The following SYCP2L variants were observed in gnomAD, a reference collection of about 807,000 sequenced individuals.
SYCP2L encodes the protein synaptonemal complex protein 2 like.
In SYCP2L, 98 loss-of-function variants were observed where a neutral mutation model predicts 125.8. The ratio of observed to expected loss-of-function variants is 0.78; its 90% CI spans 0.66 to 0.92. SYCP2L has a LOEUF of 0.92. Among genes scored for constraint, SYCP2L ranks in the 40% least tolerant of loss-of-function variants. The probability of loss-of-function intolerance (pLI) is 0.00; values close to 1 mark genes in which losing one functional copy is unlikely to be tolerated. For missense variants in SYCP2L, 842 were observed against 936.4 expected, an observed-to-expected ratio of 0.90 and a Z score of 1.32; for synonymous variants, 317 against 325.4, an observed-to-expected ratio of 0.97 and a Z score of 0.28.
intron 23 of SYCP2L, among the ~76,000 whole-genome samples, chr6:10,950,541 G>A (rs79047532): frequency 0.024 from 3,629 of 152,150 alleles, 148 homozygotes; most frequent in East Asian, 0.2. Flanking sequence ...ATTTTCATTA[G>A]AGGATTTATG....
chr6:10,900,358 CTTT>C (rs1241224571), intron 6 of SYCP2L, among the ~76,000 whole-genome samples: 1 of 127,978 alleles, frequency 7.8e-6, no homozygotes. Flanking sequence ...CTTTTCTTTT[CTTT>C]TTTTTTTTTT....
intron 29 of SYCP2L, among the ~76,000 whole-genome samples, chr6:10,966,112 CAATA>C (rs910823580): frequency 2.6e-5 from 4 of 151,132 alleles, no homozygotes; most frequent in Non-Finnish European, 5.9e-5. Context: ...TACTCTGTCT[CAATA>C]ATAATAATAA....
chr6:10,947,732 C>A (rs567803745), intron 23 of SYCP2L, among the ~76,000 whole-genome samples: 2 of 152,030 alleles, frequency 1.3e-5, no homozygotes, highest in Non-Finnish European at 2.9e-5. Context: ...ATACTTACAT[C>A]TCTTATTTTT....
Position 10,907,586 on chromosome 6 carries a change from A to G in SYCP2L, c.721A>G (p.Thr241Ala), listed in dbSNP as rs767343595. 2.3e-5 allele frequency: 37 copies of G among 1,613,744 alleles called. No homozygotes were observed. The Middle Eastern group carries it at 8.2e-4, about 36-fold the overall frequency. Reference protein sequence around the residue: ...VAISEALCRLTIKKSRDELVH... With the variant: ...VAISEALCRLAIKKSRDELVH... ...TATTTCTGAAGCGCTGTGTAGACTG[A>G]CGATTAAAAAATCAAGGGATGAACT... The change falls in exon 10 of 30, where the codon ACG becomes GCG. Residue 241 changes from threonine to alanine, a missense_variant. By Grantham distance (58) the Thr-to-Ala change is moderately conservative (BLOSUM62 0). Coordinates refer to ENST00000283141, the MANE Select transcript of SYCP2L (RefSeq NM_001040274.3).
intron 4 of SYCP2L, among the ~76,000 whole-genome samples, chr6:10,896,120 T>G (rs1387008360): frequency 2.6e-5 from 4 of 152,212 alleles, no homozygotes; most frequent in Non-Finnish European, 4.4e-5. Context: ...CACTCCAGTC[T>G]GCGTGACAGA....
rs756820235 is a variant in SYCP2L, at chr6:10,928,411, G to A, written c.1449G>A (p.Pro483=). Reference sequence around the variant, plus strand: ...ACGTTCTTCTGCCATAGCTTCAGCCGGTCCCTCCGTTCGGGGTCCCTGACT... The same window carrying A: ...ACGTTCTTCTGCCATAGCTTCAGCCAGTCCCTCCGTTCGGGGTCCCTGACT... ...GEPASDSHLQ[P]VPPFGVPDFP... Residue 483 remains proline, a synonymous_variant, in exon 18 of 30, where the codon CCG becomes CCA. Coordinates refer to ENST00000283141, the MANE Select transcript of SYCP2L (RefSeq NM_001040274.3). 5.3e-5 allele frequency: 82 copies of A among 1,538,898 alleles called. 1 individual carries two copies. The highest frequency in any genetic ancestry group is 1.8e-4 in the Middle Eastern group (1 of 5,418).
intron 9 of SYCP2L, among the ~76,000 whole-genome samples, chr6:10,906,951 A>G (rs1441355070): frequency 6.6e-6 from 1 of 151,794 alleles, no homozygotes; most frequent in Non-Finnish European, 1.5e-5. Context: ...GAGTATTTTA[A>G]TATATTTAAA....
chr6:10,888,398 A>T (rs1184489008), intron 1 of SYCP2L, among the ~76,000 whole-genome samples: 2 of 151,896 alleles, frequency 1.3e-5, no homozygotes, highest in Non-Finnish European at 2.9e-5. Flanking sequence ...CCCGGCTATC[A>T]TCATGTTTTT....
rs1471020266 is a variant in SYCP2L at position 10,943,692 on chromosome 6, T to TTA, written c.1954+948_1954+949dup. 9.8e-5 allele frequency among the ~76,000 whole-genome samples: 15 copies of TTA among 152,340 alleles called. No homozygotes were observed. In the East Asian group the frequency reaches 2.9e-3, roughly 29 times the overall value. Reference sequence around the variant, plus strand: ...TTTCATCCCTCATAGAGGTAATGACTTATGACTTTTGTAAACATCCTTCAG... The same window carrying TTA: ...TTTCATCCCTCATAGAGGTAATGACTTATATGACTTTTGTAAACATCCTTCAG... On this transcript the variant is annotated intron_variant, in intron 23 of 29. Transcript: ENST00000283141.
intron 1 of SYCP2L, among the ~76,000 whole-genome samples, chr6:10,888,744 C>T (rs556154316): frequency 6.6e-6 from 1 of 152,258 alleles, no homozygotes. Context: ...TAAAGGCTCC[C>T]GGGAATATTT....
chr6:10,941,483 G>C (rs1473338747), intron 21 of SYCP2L, among the ~76,000 whole-genome samples: 1 of 152,174 alleles, frequency 6.6e-6, no homozygotes, highest in East Asian at 1.9e-4. Context: ...CCAAAAGTGG[G>C]CAAAGGATAT....
chr6:10,894,330 C>G (rs1780222803), intron 4 of SYCP2L, 126 bp downstream of exon 4: 1 of 1,213,408 alleles, frequency 8.2e-7, no homozygotes, highest in South Asian at 1.3e-5. Context: ...AATTGATATC[C>G]ATTCTTATTG....
At position 10,902,951 on chromosome 6, in the gene SYCP2L, T is replaced by A; in HGVS notation, c.629T>A (p.Met210Lys). The A allele has an allele frequency of 6.2e-7, 1 of 1,614,088 alleles. No individual in the cohort carries two copies. Among genetic ancestry groups the A allele is most frequent in the Non-Finnish European group, 8.5e-7 (1 of 1,179,908 alleles). The change falls in exon 8 of 30, where the codon ATG becomes AAG. Residue 210 changes from methionine to lysine, a missense_variant. Transcript: ENST00000283141. ...ERKKFPLSEG[M>K]CHLMKDLART... ...AAAAAATTCCCTTTGTCAGAAGGCATGTGTCATCTTATGTAAGTGACTTTG... is the reference window on the plus strand; with the variant it reads ...AAAAAATTCCCTTTGTCAGAAGGCAAGTGTCATCTTATGTAAGTGACTTTG...
intron 10 of SYCP2L, among the ~76,000 whole-genome samples, chr6:10,909,141 T>TTTTTTA (rs1780559043): frequency 9.0e-6 from 1 of 111,536 alleles, no homozygotes. Flanking sequence ...TTTTTTTTTT[T>TTTTTTA]GAGACAGAGT....
chr6:10,924,543 A>C lies in SYCP2L; in HGVS notation c.1120A>C (p.Ile374Leu). The change falls in exon 15 of 30, where the codon ATT becomes CTT. Residue 374 changes from isoleucine to leucine, a missense_variant. By Grantham distance (5) the Ile-to-Leu change is conservative. Coordinates refer to ENST00000283141, the MANE Select transcript of SYCP2L (RefSeq NM_001040274.3). The part of the protein sequence containing the change: ...IFIIYLKKPM[I>L]ISYKEVMKIE... ...TATCATTTACCTGAAGAAGCCCATG[A>C]TTATCAGCTACAAAGAAGTCATGAA... The C allele has an allele frequency of 6.2e-7, 1 of 1,601,184 alleles. No individual in the cohort carries two copies. Among genetic ancestry groups the C allele is most frequent in the Non-Finnish European group, 8.5e-7 (1 of 1,176,616 alleles).
Position 10,905,142 on chromosome 6 carries a change from C to CAAAAAAA in SYCP2L, c.642-860_642-854dup, listed in dbSNP as rs34659978. Among the ~76,000 whole-genome samples the CAAAAAAA allele has an allele frequency of 3.1e-3, 170 of 54,640 alleles. 2 individuals carry two copies. The highest frequency in any genetic ancestry group is 0.016 in the Middle Eastern group (1 of 62). The allele number at this position is 54,640 out of a possible 152,430, so 35.8% of individuals were successfully genotyped here. ...TGGGTGACAGAGCCAGACTTGGTCT[C>CAAAAAAA]AAAAAAAAAAAAAAAAAAAAAAAAG... On this transcript the variant is annotated intron_variant, in intron 8 of 29. Coordinates refer to ENST00000283141, the MANE Select transcript of SYCP2L (RefSeq NM_001040274.3).
At chr6:10,918,150 A>G (rs1202044187) in intron 14 of SYCP2L, among the ~76,000 whole-genome samples, 1 of 150,726 alleles carries the variant, frequency 6.6e-6, no homozygotes, top group Non-Finnish European at 1.5e-5. Flanking sequence ...GTGAGCCGAG[A>G]TCGCGCCACC....
Position 10,912,930 on chromosome 6 carries a change from A to G in SYCP2L, c.1072+3A>G. 1 of 1,613,174 alleles carries G rather than the reference A, an allele frequency of 6.2e-7. No homozygotes were observed. Among genetic ancestry groups the G allele is most frequent in the Non-Finnish European group, 8.5e-7 (1 of 1,179,758 alleles). Reference sequence around the variant, plus strand: ...GGTGATGAATTTCAGCATAACAGGTAATATGATACATTTAAACAACCCACG... The same window carrying G: ...GGTGATGAATTTCAGCATAACAGGTGATATGATACATTTAAACAACCCACG... On this transcript the variant is annotated splice_donor_region_variant and intron_variant, in intron 14 of 29. Transcript: ENST00000283141. This position sits in a 1 kb window ranked among gnomAD's most constrained non-coding sequence, Gnocchi z 4.1.
chr6:10,969,865 A>C (rs1466993362), intron 29 of SYCP2L, among the ~76,000 whole-genome samples: 1 of 152,166 alleles, frequency 6.6e-6, no homozygotes, highest in Non-Finnish European at 1.5e-5. Flanking sequence ...AGTAAGTGAA[A>C]AGTCGCAAAG....
Sources: gnomAD v4.1 joint callset for allele counts (sites outside exome capture counted in the v4.1 genomes callset) on GRCh38, gnomAD v4.1.1 for gene constraint, Gnocchi (gnomAD v3.1) non-coding constraint, MANE v1.5 for transcripts, NCBI Gene and HGNC (gene_info 2026-07-23, HGNC 2026-07-21) for gene names.